Variants in CEMIP2 observed in about 807,000 individuals in gnomAD.
The protein encoded by CEMIP2 is cell surface hyaluronidase CEMIP2.
A neutral mutation model predicts 146.9 loss-of-function variants in CEMIP2; 79 were observed. The ratio of observed to expected loss-of-function variants is 0.54; its 90% CI spans 0.45 to 0.65. The LOEUF is 0.65. Ranked by LOEUF, CEMIP2 falls within the 30% of genes least tolerant of loss-of-function variation. The pLI is 0.00. For synonymous variants in CEMIP2, 601 were observed against 606.3 expected (o/e 0.99, Z 0.13); for missense variants, 1,596 against 1,696.2 (o/e 0.94, Z 1.04).
chr9:71,698,085 C>T lies in CEMIP2; in HGVS notation c.3497G>A (p.Cys1166Tyr), dbSNP rs1323503701. ...AATDSKDISN[C>Y]MAKAYPQYYR... ...GTACTGTGGGTATGCTTTGGCCATGCAGTTACTGATGTCCTTTGAGTCTGT... is the reference window on the plus strand; with the variant it reads ...GTACTGTGGGTATGCTTTGGCCATGTAGTTACTGATGTCCTTTGAGTCTGT... Residue 1166 changes from cysteine (C) to tyrosine (Y), a missense_variant, in exon 20 of 24, where the codon TGC becomes TAC. By Grantham distance (194) the Cys-to-Tyr change is radical. Transcript: ENST00000377044. 3 of 1,614,148 alleles carry T rather than the reference C, an allele frequency of 1.9e-6. No homozygotes were observed. The highest frequency in any genetic ancestry group is 2.5e-6 in the Non-Finnish European group (3 of 1,180,026).
chr9:71,762,522 A>C (rs967970457), intron 1 of CEMIP2, among the ~76,000 whole-genome samples: 1 of 151,270 alleles, frequency 6.6e-6, no homozygotes, highest in South Asian at 2.1e-4. Flanking sequence ...AAAAAAAAAA[A>C]AAAACTGGCT....
intron 10 of CEMIP2, among the ~76,000 whole-genome samples, chr9:71,728,193 T>TTCCC (rs1823446711): frequency 3.4e-5 from 1 of 29,610 alleles, no homozygotes; most frequent in Admixed American, 5.6e-4. Context: ...CAGCGAAACC[T>TTCCC]TCTCTCTCTC....
chr9:71,751,201 AC>A (rs1824242785), intron 1 of CEMIP2, among the ~76,000 whole-genome samples: 1 of 152,166 alleles, frequency 6.6e-6, no homozygotes, highest in Non-Finnish European at 1.5e-5. Context: ...CATTTTCAGA[AC>A]TTTTTCATCA....
intron 3 of CEMIP2, among the ~76,000 whole-genome samples, chr9:71,745,811 C>T (rs994528768): frequency 6.6e-6 from 1 of 152,128 alleles, no homozygotes; most frequent in African/African-American, 2.4e-5. Flanking sequence ...AATCATTTCT[C>T]TTAAAAATAT....
chr9:71,733,319 A>C (rs1823675018), intron 6 of CEMIP2, among the ~76,000 whole-genome samples: 1 of 152,340 alleles, frequency 6.6e-6, no homozygotes, highest in East Asian at 1.9e-4. Context: ...AAACTCAGGA[A>C]GGAAAAATAC....
At chr9:71,734,033 A>AGATG (rs771307366) in intron 6 of CEMIP2, among the ~76,000 whole-genome samples, 16 of 152,020 alleles carry the variant, frequency 1.1e-4, no homozygotes, top group South Asian at 4.2e-4. Context: ...TATTTAGTAG[A>AGATG]GATGGGGTTT....
chr9:71,723,008 A>T (rs1239718421), intron 11 of CEMIP2, among the ~76,000 whole-genome samples: 1 of 151,718 alleles, frequency 6.6e-6, no homozygotes, highest in Non-Finnish European at 1.5e-5. Context: ...GAGAGAAATT[A>T]AGCAAAAGAA....
At chr9:71,690,668 A>G (rs904966004) in intron 21 of CEMIP2, among the ~76,000 whole-genome samples, 1 of 152,224 alleles carries the variant, frequency 6.6e-6, no homozygotes, top group African/African-American at 2.4e-5. Context: ...ATACACACAC[A>G]CACATATAAA....
chr9:71,766,051 T>C (rs922790363), intron 1 of CEMIP2, among the ~76,000 whole-genome samples: 16 of 151,820 alleles, frequency 1.1e-4, no homozygotes, highest in African/African-American at 3.9e-4. Context: ...TTGGTAGTGA[T>C]TATTGTTTCT....
At chr9:71,730,606 T>G in intron 8 of CEMIP2, 99 bp downstream of exon 8, 1 of 1,275,128 alleles carries the variant, frequency 7.8e-7, no homozygotes, top group Non-Finnish European at 1.1e-6. Context: ...GCAAGGCATG[T>G]GGCTAAACAG....
In CEMIP2 at chr9:71,685,766, T is replaced by G. The variant is rs1033770377; in HGVS notation, c.3932A>C (p.Lys1311Thr). ...SHLLVPLGLA[K>T]PAHLYDKGST... is the part of the protein sequence containing the mutation. ...ACCTTTGTCATAAAGATGAGCTGGT[T>G]TGGCTAATCCCAGAGGTACTAGTAA... Residue 1311 changes from lysine (K) to threonine (T), a missense_variant, in exon 23 of 24, where the codon AAA becomes ACA. Transcript: ENST00000377044. 2 of 1,613,804 alleles carry G rather than the reference T, an allele frequency of 1.2e-6. No individual in the cohort carries two copies. Among genetic ancestry groups the G allele is most frequent in the Non-Finnish European group, 8.5e-7 (1 of 1,179,820 alleles).
chr9:71,690,587 T>A (rs1563992128), intron 21 of CEMIP2, among the ~76,000 whole-genome samples: 1 of 152,244 alleles, frequency 6.6e-6, no homozygotes, highest in African/African-American at 2.4e-5. Flanking sequence ...CAAAGCTTTA[T>A]AAGTCAATGA....
rs1180410197 is a variant in CEMIP2, at chr9:71,684,797, A to C, written c.*400T>G. The C allele has an allele frequency of 6.3e-6, 1 of 159,420 alleles. No homozygotes were observed. Among genetic ancestry groups the C allele is most frequent in the African/African-American group, 2.4e-5 (1 of 41,726 alleles). 9.9% of individuals were successfully genotyped at this position (159,420 alleles called of 1,614,324 possible). ...AGTCAACTGCCACCCGACCCAACTGAGCATTAAACTTCAAGTATCCAAGGT... is the reference window on the plus strand; with the variant it reads ...AGTCAACTGCCACCCGACCCAACTGCGCATTAAACTTCAAGTATCCAAGGT... On this transcript the variant is annotated 3_prime_UTR_variant, in exon 24 of 24. Transcript: ENST00000377044.
At chr9:71,746,710 G>C (rs1291592143) in intron 2 of CEMIP2, among the ~76,000 whole-genome samples, 1 of 149,966 alleles carries the variant, frequency 6.7e-6, no homozygotes, top group Non-Finnish European at 1.5e-5. Flanking sequence ...AGCTGTTTTA[G>C]AAAAGAAATG....
chr9:71,724,598 AC>A (rs1823328672), intron 11 of CEMIP2, among the ~76,000 whole-genome samples: 1 of 152,142 alleles, frequency 6.6e-6, no homozygotes. Flanking sequence ...CACACACATA[AC>A]AAAACATTAA....
Position 71,750,152 on chromosome 9 carries a change from T to C in CEMIP2, c.222A>G (p.Gln74=). 1 of 1,614,188 alleles carries C rather than the reference T, an allele frequency of 6.2e-7. No individual in the cohort carries two copies. The highest frequency in any genetic ancestry group is 8.5e-7 in the Non-Finnish European group (1 of 1,180,018). The change falls in exon 2 of 24, where the codon CAA becomes CAG. Residue 74 remains glutamine (Q), a synonymous_variant. Coordinates refer to ENST00000377044, the MANE Select transcript of CEMIP2 (RefSeq NM_013390.3). ...PEEQQAQRES[Q]KQKRHKNTFI... is the part of the protein sequence containing the mutation. ...AAGTATTTTTGTGTCTCTTTTGCTT[T>C]TGACTTTCTCTCTGGGCTTGCTGTT...
chr9:71,686,246 A>G (rs1424195291), intron 22 of CEMIP2: 2 of 174,812 alleles, frequency 1.1e-5, no homozygotes, highest in Non-Finnish European at 2.5e-5. Flanking sequence ...GCCTCCTGTC[A>G]GGTCAGCTGT....
chr9:71,737,170 A>AG (rs1554686472), intron 5 of CEMIP2, among the ~76,000 whole-genome samples: 56 of 132,112 alleles, frequency 4.2e-4, no homozygotes, highest in African/African-American at 1.4e-3. Flanking sequence ...AAAAAAAAAA[A>AG]AAAGAAAGAA....
At chr9:71,746,068 T>C (rs939610996) in intron 3 of CEMIP2, 133 bp downstream of exon 3, 11 of 1,007,932 alleles carry the variant, frequency 1.1e-5, no homozygotes, top group Non-Finnish European at 1.4e-5. Flanking sequence ...TCTTTCCAAA[T>C]CTCCATGGTT....
Sources: gnomAD v4.1 joint callset for allele counts (sites outside exome capture counted in the v4.1 genomes callset) on GRCh38, gnomAD v4.1.1 for gene constraint, MANE v1.5 for transcripts, NCBI Gene and HGNC (gene_info 2026-07-23, HGNC 2026-07-21) for gene names.